CD244: variants seen among roughly 807,000 people sequenced by gnomAD.
CD244 encodes the protein CD244 molecule, also known as natural killer cell receptor 2B4.
In CD244, 20 loss-of-function variants were observed where a neutral mutation model predicts 45.5. The observed-to-expected ratio is 0.44, with a 90% CI of 0.31 to 0.64. The LOEUF is 0.64. Ranked by LOEUF, CD244 falls within the 30% of genes least tolerant of loss-of-function variation. The pLI, the probability that CD244 is intolerant of heterozygous loss-of-function variation, is 0.08. For missense variants in CD244, 407 were observed against 426.9 expected, an observed-to-expected ratio of 0.95 and a Z score of 0.41; for synonymous variants, 185 against 160.5, an observed-to-expected ratio of 1.15 and a Z score of -1.15.
At chr1:160,833,866 A>G (rs529560953) in intron 7 of CD244, among the ~76,000 whole-genome samples, 185 bp downstream of exon 7, 1 of 152,370 alleles carries the variant, frequency 6.6e-6, no homozygotes, top group African/African-American at 2.4e-5. Context: ...TTCTCCAGAC[A>G]GAACCAGTAA....
At chr1:160,835,381 C>T (rs1229546719) in intron 6 of CD244, among the ~76,000 whole-genome samples, 2 of 152,146 alleles carry the variant, frequency 1.3e-5, no homozygotes, top group African/African-American at 4.8e-5. Context: ...TCGGTTTCCT[C>T]ATTGTGATAT....
At chr1:160,850,058 T>C (rs548483670) in intron 1 of CD244, among the ~76,000 whole-genome samples, 11 of 152,232 alleles carry the variant, frequency 7.2e-5, no homozygotes, top group Non-Finnish European at 1.5e-4. Context: ...ACAAACTATA[T>C]ACCTGTGTAT....
At chr1:160,851,551 T>A (rs1046921281) in intron 1 of CD244, among the ~76,000 whole-genome samples, 3 of 152,082 alleles carry the variant, frequency 2.0e-5, no homozygotes, top group Non-Finnish European at 4.4e-5. Context: ...TTAAAACAAA[T>A]CATAAATTTA....
intron 1 of CD244, among the ~76,000 whole-genome samples, chr1:160,844,123 T>C (rs887995573): frequency 1.3e-5 from 2 of 152,210 alleles, no homozygotes; most frequent in Non-Finnish European, 2.9e-5. Context: ...GGCTGCCAAC[T>C]AGAGGCAAAT....
intron 1 of CD244, among the ~76,000 whole-genome samples, chr1:160,855,244 T>C (rs1486559672): frequency 6.6e-6 from 1 of 152,156 alleles, no homozygotes; most frequent in Non-Finnish European, 1.5e-5. Flanking sequence ...TCTCCCACCT[T>C]TTGGGGAACA....
chr1:160,838,747 G>T, intron 4 of CD244, 192 bp downstream of exon 4: 1 of 615,568 alleles, frequency 1.6e-6, no homozygotes, highest in Non-Finnish European at 2.9e-6. Flanking sequence ...TGCGCATTGG[G>T]ATCAGAAGGC....
intron 7 of CD244, among the ~76,000 whole-genome samples, chr1:160,833,008 T>A (rs1240289420): frequency 1.3e-5 from 2 of 151,404 alleles, no homozygotes; most frequent in Non-Finnish European, 2.9e-5. Context: ...GCAATCCTAA[T>A]GCAAATACTG....
At chr1:160,836,820 C>T (rs1669350979) in intron 5 of CD244, among the ~76,000 whole-genome samples, 1 of 152,022 alleles carries the variant, frequency 6.6e-6, no homozygotes, top group Non-Finnish European at 1.5e-5. Context: ...TTTCATGCTG[C>T]CGGCCACTGA....
chr1:160,859,170 G>A (rs1307351200), intron 1 of CD244, among the ~76,000 whole-genome samples: 1 of 152,144 alleles, frequency 6.6e-6, no homozygotes, highest in Non-Finnish European at 1.5e-5. Context: ...GAGGGGTTGA[G>A]GGAAGAGGCC....
At chr1:160,832,396 T>C (rs1439349601) in intron 8 of CD244, 123 bp downstream of exon 8, 3 of 666,038 alleles carry the variant, frequency 4.5e-6, no homozygotes, top group Admixed American at 2.4e-5. Flanking sequence ...CATTAGAAGA[T>C]CTCTAAATTC....
In CD244 at chr1:160,834,155, A is replaced by T. The variant is rs369483417; in HGVS notation, c.895-39T>A. Reference sequence around the variant, plus strand: ...AAATAAAATCATTTCAGAAGCACAGATCCAGCACAATCTTACAAAGGTTAT... The same window carrying T: ...AAATAAAATCATTTCAGAAGCACAGTTCCAGCACAATCTTACAAAGGTTAT... On this transcript the variant is annotated intron_variant, in intron 6 of 8. Transcript: ENST00000368034. 1.2e-5 allele frequency: 16 copies of T among 1,371,210 alleles called. No homozygotes were observed. The South Asian group carries it at 1.9e-4, about 16-fold the overall frequency. The allele number at this position is 1,371,210 out of a possible 1,614,324, so 84.9% of individuals were successfully genotyped here.
chr1:160,851,828 C>T (rs977379496), intron 1 of CD244, among the ~76,000 whole-genome samples: 1 of 152,096 alleles, frequency 6.6e-6, no homozygotes, highest in African/African-American at 2.4e-5. Flanking sequence ...CAGGCATGAG[C>T]CACTGCACCC....
intron 6 of CD244, among the ~76,000 whole-genome samples, chr1:160,835,548 G>T (rs190636031): frequency 6.6e-6 from 1 of 152,204 alleles, no homozygotes; most frequent in Non-Finnish European, 1.5e-5. Flanking sequence ...GGAATTCAAG[G>T]CTTCAGTAAG....
At chr1:160,862,139 A>G (rs967451414) in intron 1 of CD244, among the ~76,000 whole-genome samples, 2 of 152,144 alleles carry the variant, frequency 1.3e-5, no homozygotes, top group Non-Finnish European at 2.9e-5. Flanking sequence ...ATGAGGGACC[A>G]TGCCTTCCAG....
intron 6 of CD244, among the ~76,000 whole-genome samples, chr1:160,835,561 A>G (rs1390021941): frequency 6.6e-6 from 1 of 152,162 alleles, no homozygotes; most frequent in Non-Finnish European, 1.5e-5. Flanking sequence ...TCAGTAAGCT[A>G]TGATTCTACC....
At chr1:160,832,115 C>T (rs1669147035) in intron 8 of CD244, among the ~76,000 whole-genome samples, 1 of 152,080 alleles carries the variant, frequency 6.6e-6, no homozygotes, top group Non-Finnish European at 1.5e-5. Flanking sequence ...ATTAAGCTCA[C>T]CTATGTCCTG....
rs1391326890 is a variant in CD244, at chr1:160,862,698, A to G, written c.-21T>C. 2 of 1,611,028 alleles carry G rather than the reference A, an allele frequency of 1.2e-6. No individual in the cohort carries two copies. Among genetic ancestry groups the G allele is most frequent in the African/African-American group, 2.7e-5 (2 of 74,896 alleles). On this transcript the variant is annotated 5_prime_UTR_variant, in exon 1 of 9. Transcript: ENST00000368034. ...AGCATTTCCACAGGACAGAGGGGCC[A>G]GGCCAGCCCCTCCACCCCACCAGAC...
rs142859095 is a variant in CD244 at position 160,842,644 on chromosome 1, G to C, written c.62-743C>G. ...AGAGCTGAATACATAATCCTCTCTC[G>C]TGGCACTTGGTTCATTGGATTTTGG... On this transcript the variant is annotated intron_variant, in intron 1 of 8. Transcript: ENST00000368034. Among the ~76,000 whole-genome samples, 55 of 152,152 alleles carry C rather than the reference G, an allele frequency of 3.6e-4. No homozygotes were observed. In the East Asian group the frequency reaches 0.01, roughly 28 times the overall value.
chr1:160,851,278 G>A (rs1328476794), intron 1 of CD244, among the ~76,000 whole-genome samples: 1 of 152,130 alleles, frequency 6.6e-6, no homozygotes, highest in Non-Finnish European at 1.5e-5. Context: ...GGTCTTTCTG[G>A]TGACCGGCCC....
Sources: gnomAD v4.1 joint callset for allele counts (sites outside exome capture counted in the v4.1 genomes callset) on GRCh38, gnomAD v4.1.1 for gene constraint, MANE v1.5 for transcripts, NCBI Gene and HGNC (gene_info 2026-07-23, HGNC 2026-07-21) for gene names.